FAM76A: variants seen among roughly 807,000 people sequenced by gnomAD.
FAM76A encodes protein FAM76A.
FAM76A carries 32 observed loss-of-function variants against 46.2 expected under a neutral mutation model. The observed-to-expected ratio is 0.69, with a 90% CI of 0.52 to 0.93. The LOEUF is 0.93. FAM76A is among the 40% of genes least tolerant of loss of function. The probability of loss-of-function intolerance (pLI) is 0.00; values close to 1 mark genes in which losing one functional copy is unlikely to be tolerated. For missense variants in FAM76A, 274 were observed against 361.5 expected, an observed-to-expected ratio of 0.76 and a Z score of 1.96; for synonymous variants, 137 against 127.0, an observed-to-expected ratio of 1.08 and a Z score of -0.53.
At chr1:27,728,018 G>A (rs937518388) in intron 2 of FAM76A, among the ~76,000 whole-genome samples, 30 of 151,954 alleles carry the variant, frequency 2.0e-4, no homozygotes, top group Admixed American at 2.0e-4. Flanking sequence ...ATCTTGGCCA[G>A]GTTGGTCTTG....
chr1:27,737,037 C>T (rs2088060253), intron 4 of FAM76A, among the ~76,000 whole-genome samples: 1 of 152,158 alleles, frequency 6.6e-6, no homozygotes, highest in South Asian at 2.1e-4. Context: ...ACAACCTCCA[C>T]CTCCTAGGTT....
At chr1:27,727,637 G>A (rs2087883160) in intron 2 of FAM76A, 101 bp downstream of exon 2, 2 of 828,010 alleles carry the variant, frequency 2.4e-6, no homozygotes, top group East Asian at 2.7e-5. Flanking sequence ...CAGTTGCATT[G>A]TAAAATACAG....
intron 5 of FAM76A, among the ~76,000 whole-genome samples, chr1:27,745,325 C>T (rs1569432): frequency 0.16 from 24,315 of 151,952 alleles, 5,043 homozygotes; most frequent in African/African-American, 0.48. Flanking sequence ...CAAGTTTTCT[C>T]ATCTGTAAAA....
chr1:27,763,093 T>G lies in FAM76A; in HGVS notation c.*2512T>G, dbSNP rs995780640. ...TGTACAGACTTTGACAAATGTGTGT[T>G]AATAAAAATTCATATTGACTCAAGT... On this transcript the variant is annotated 3_prime_UTR_variant, in exon 9 of 9. Coordinates refer to ENST00000373954, the MANE Select transcript of FAM76A (RefSeq NM_152660.3). 6.6e-6 allele frequency: 1 copy of G among 152,238 alleles called. No individual in the cohort carries two copies. Among genetic ancestry groups the G allele is most frequent in the African/African-American group, 2.4e-5 (1 of 41,470 alleles). 9.4% of individuals were successfully genotyped at this position (152,238 alleles called of 1,614,324 possible). A position where few individuals can be genotyped will look rare whatever the true frequency, so the allele number is the denominator to read the frequency against.
intron 4 of FAM76A, among the ~76,000 whole-genome samples, chr1:27,737,338 G>T (rs2088066691): frequency 6.6e-6 from 1 of 152,126 alleles, no homozygotes; most frequent in Non-Finnish European, 1.5e-5. Context: ...TTCATTGTTT[G>T]TTCTCTTTTA....
At chr1:27,732,940 GTT>G (rs896245252) in intron 3 of FAM76A, among the ~76,000 whole-genome samples, 3 of 140,584 alleles carry the variant, frequency 2.1e-5, no homozygotes, top group Non-Finnish European at 1.6e-5. Context: ...TTTTGTTTTT[GTT>G]TTTTTTTTTT....
chr1:27,749,079 T>C lies in FAM76A; in HGVS notation c.524T>C (p.Leu175Pro). The change falls in exon 6 of 9, where the codon CTT (leucine) becomes CCT (proline). Residue 175 changes from leucine (L) to proline (P), a missense_variant. Leu to Pro is a moderately conservative substitution (Grantham distance 98, BLOSUM62 -3). Coordinates refer to ENST00000373954, the MANE Select transcript of FAM76A (RefSeq NM_152660.3). ...GGGHYNSQKT[L>P]STSSIQNEIP... ...TTTGCCATTAAAAGCCAGAAAACAC[T>C]TTCTACATCTTCAATTCAAAATGAA... 6.3e-7 allele frequency: 1 copy of C among 1,598,774 alleles called. No homozygotes were observed. The highest frequency in any genetic ancestry group is 8.5e-7 in the Non-Finnish European group (1 of 1,176,062).
At chr1:27,729,759 T>C (rs1011374504) in intron 2 of FAM76A, among the ~76,000 whole-genome samples, 1 of 152,224 alleles carries the variant, frequency 6.6e-6, no homozygotes, top group Non-Finnish European at 1.5e-5. Flanking sequence ...TTTGCAGCTC[T>C]TTTTGTGTGT....
rs1557791355 is a variant in FAM76A, at chr1:27,761,185, T to A, written c.*604T>A. ...CTATGTATAGCCAGAGTTTTATTTATTTTTTAAAAAAGAAACTTTTTCTTG... is the reference window on the plus strand; with the variant it reads ...CTATGTATAGCCAGAGTTTTATTTAATTTTTAAAAAAGAAACTTTTTCTTG... On this transcript the variant is annotated 3_prime_UTR_variant, in exon 9 of 9. Transcript: ENST00000373954. The A allele has an allele frequency of 6.6e-6, 1 of 152,454 alleles. No homozygotes were observed. The highest frequency in any genetic ancestry group is 1.5e-5 in the Non-Finnish European group (1 of 68,016). 9.4% of individuals were successfully genotyped at this position (152,454 alleles called of 1,614,324 possible).
At chr1:27,740,547 G>C in intron 4 of FAM76A, 2 of 1,205,516 alleles carry the variant, frequency 1.7e-6, no homozygotes, top group Non-Finnish European at 2.4e-6. Flanking sequence ...GTTGTTATGA[G>C]GAGTGAGGAC....
At chr1:27,745,566 G>T (rs2088228466) in intron 5 of FAM76A, among the ~76,000 whole-genome samples, 1 of 152,158 alleles carries the variant, frequency 6.6e-6, no homozygotes, top group East Asian at 1.9e-4. Context: ...AAGTCATGCT[G>T]CTCTCCAAGA....
intron 2 of FAM76A, among the ~76,000 whole-genome samples, chr1:27,728,644 C>T (rs139560002): frequency 3.1e-3 from 471 of 152,278 alleles, no homozygotes; most frequent in Admixed American, 5.2e-3. Context: ...TGAGCCACCA[C>T]GCCTGGGCAA....
chr1:27,755,220 T>A lies in FAM76A; in HGVS notation c.625T>A (p.Ser209Thr). 2 of 1,614,176 alleles carry A rather than the reference T, an allele frequency of 1.2e-6. No individual in the cohort carries two copies. Among genetic ancestry groups the A allele is most frequent in the Non-Finnish European group, 8.5e-7 (1 of 1,180,024 alleles). Residue 209 changes from serine to threonine, a missense_variant, in exon 7 of 9, where the codon TCA becomes ACA. Physicochemically the swap from Ser to Thr is moderately conservative, Grantham distance 58. Transcript: ENST00000373954. Reference sequence around the variant, plus strand: ...CTTCTCCCCAGACCTGGCTCTGGACTCACCAGGCACTGACCACTTTGTCAT... The same window carrying A: ...CTTCTCCCCAGACCTGGCTCTGGACACACCAGGCACTGACCACTTTGTCAT... Reference protein sequence around the residue: ...DSFSPDLALDSPGTDHFVIIA... With the variant: ...DSFSPDLALDTPGTDHFVIIA...
chr1:27,752,921 A>G (rs180980802), intron 6 of FAM76A, among the ~76,000 whole-genome samples: 6 of 152,344 alleles, frequency 3.9e-5, no homozygotes, highest in African/African-American at 1.4e-4. Flanking sequence ...GCACTTTGGG[A>G]GGCCAAGGTG....
At chr1:27,740,976 T>C (rs2088141197) in intron 4 of FAM76A, among the ~76,000 whole-genome samples, 1 of 151,600 alleles carries the variant, frequency 6.6e-6, no homozygotes, top group Admixed American at 6.6e-5. Flanking sequence ...AATACAAAAT[T>C]AGCCGGGCGT....
chr1:27,732,736 T>C, intron 3 of FAM76A, 79 bp downstream of exon 3: 1 of 1,045,008 alleles, frequency 9.6e-7, no homozygotes, highest in South Asian at 1.6e-5. Flanking sequence ...ACTAATGCCA[T>C]TACAATATTT....
intron 4 of FAM76A, among the ~76,000 whole-genome samples, chr1:27,734,882 C>A (rs2088019129): frequency 6.6e-6 from 1 of 152,222 alleles, no homozygotes; most frequent in Non-Finnish European, 1.5e-5. Context: ...TACAAGATTA[C>A]ATTAGAGGGA....
chr1:27,750,557 C>A (rs1344625327), intron 6 of FAM76A, among the ~76,000 whole-genome samples: 1 of 152,234 alleles, frequency 6.6e-6, no homozygotes. Context: ...AAGCCAAGAC[C>A]TATGGCTTTA....
intron 4 of FAM76A, chr1:27,740,190 A>G (rs1239143094): frequency 3.8e-5 from 22 of 580,600 alleles, no homozygotes; most frequent in Non-Finnish European, 5.5e-5. Flanking sequence ...GGTAAAATCA[A>G]TAGCTATAGC....
Sources: gnomAD v4.1 joint callset for allele counts (sites outside exome capture counted in the v4.1 genomes callset) on GRCh38, gnomAD v4.1.1 for gene constraint, MANE v1.5 for transcripts, NCBI Gene and HGNC (gene_info 2026-07-23, HGNC 2026-07-21) for gene names.